B3GLCT: variants seen among roughly 807,000 people sequenced by gnomAD.
B3GLCT encodes the protein beta 3-glucosyltransferase, also known as beta-1,3-glucosyltransferase.
B3GLCT carries 65 observed loss-of-function variants against 63.4 expected under a neutral mutation model. The ratio of observed to expected loss-of-function variants is 1.03; its 90% confidence interval spans 0.84 to 1.26. The LOEUF is 1.26. Among genes scored for constraint, B3GLCT ranks in the 50% most tolerant of loss-of-function variants. The pLI is 0.00. For synonymous variants in B3GLCT, 233 were observed against 219.2 expected (o/e 1.06, Z -0.55); for missense variants, 577 against 604.8 (o/e 0.95, Z 0.48).
At chr13:31,250,130 A>C (rs1049609701) in intron 6 of B3GLCT, among the ~76,000 whole-genome samples, 48 of 152,122 alleles carry the variant, frequency 3.2e-4, no homozygotes, top group Admixed American at 3.1e-3. Context: ...GTATGCTTTT[A>C]ATATATGTGT....
chr13:31,304,487 A>G (rs1252231030), intron 12 of B3GLCT, among the ~76,000 whole-genome samples: 1 of 78,322 alleles, frequency 1.3e-5, no homozygotes, highest in East Asian at 4.1e-4. Flanking sequence ...AGGAAGATCT[A>G]CCAAGCCAAT....
chr13:31,301,511 A>G (rs749499783), intron 12 of B3GLCT, among the ~76,000 whole-genome samples: 2 of 152,238 alleles, frequency 1.3e-5, no homozygotes, highest in Non-Finnish European at 2.9e-5. Context: ...CACATGAAGT[A>G]TGTTCAAATA....
chr13:31,239,007 A>G (rs1870796391), intron 4 of B3GLCT, among the ~76,000 whole-genome samples: 1 of 152,258 alleles, frequency 6.6e-6, no homozygotes, highest in African/African-American at 2.4e-5. Flanking sequence ...CACTCAGGAA[A>G]GACAGGGAAA....
At chr13:31,273,546 A>G (rs1872660153) in intron 8 of B3GLCT, among the ~76,000 whole-genome samples, 1 of 152,074 alleles carries the variant, frequency 6.6e-6, no homozygotes, top group Admixed American at 6.5e-5. Flanking sequence ...AAGTTTTTTG[A>G]GTCTGATTAA....
At chr13:31,286,609 G>A in intron 11 of B3GLCT, 111 bp from the exon 12 acceptor site, 1 of 737,864 alleles carries the variant, frequency 1.4e-6, no homozygotes, top group Non-Finnish European at 2.2e-6. Flanking sequence ...CTTTTAAGCT[G>A]CATTTTGGCA....
intron 12 of B3GLCT, among the ~76,000 whole-genome samples, chr13:31,299,674 G>C (rs1385915365): frequency 1.3e-5 from 2 of 152,262 alleles, no homozygotes; most frequent in Non-Finnish European, 1.5e-5. Flanking sequence ...ATCTCTGCCT[G>C]CTGCCGTACC....
chr13:31,329,499 A>G lies in B3GLCT; in HGVS notation c.1330-2A>G. The G allele has an allele frequency of 1.9e-6, 3 of 1,614,200 alleles. No individual in the cohort carries two copies. Among genetic ancestry groups the G allele is most frequent in the Non-Finnish European group, 2.5e-6 (3 of 1,180,030 alleles). The stretch of plus-strand genomic sequence containing the variant: ...AAGCCTAACTCTCTATTTTTCCTGC[A>G]GGCTCGGCCGGTGGATTACCCTAAG... On this transcript the variant is annotated splice_acceptor_variant, in intron 14 of 14. Transcript: ENST00000343307. LOFTEE classifies it high-confidence loss of function.
chr13:31,222,466 T>C (rs1017034511), intron 2 of B3GLCT, among the ~76,000 whole-genome samples: 2 of 152,278 alleles, frequency 1.3e-5, no homozygotes, highest in South Asian at 2.1e-4. Context: ...GGAGAGAACA[T>C]TGTGGTAACA....
intron 12 of B3GLCT, 108 bp downstream of exon 12, chr13:31,286,927 T>C: frequency 1.4e-6 from 1 of 720,018 alleles, no homozygotes; most frequent in Non-Finnish European, 2.4e-6. Flanking sequence ...GGGACGGGGT[T>C]TACCCTTCTA....
intron 11 of B3GLCT, among the ~76,000 whole-genome samples, chr13:31,285,329 C>T (rs147495156): frequency 2.0e-5 from 3 of 152,024 alleles, no homozygotes; most frequent in South Asian, 2.1e-4. Flanking sequence ...AGAAGAGGGG[C>T]GAGGGATGAG....
intron 1 of B3GLCT, among the ~76,000 whole-genome samples, chr13:31,209,732 T>G (rs1869161491): frequency 6.6e-6 from 1 of 152,140 alleles, no homozygotes; most frequent in Admixed American, 6.5e-5. Flanking sequence ...GCTGAGCTTT[T>G]TTATATATTC....
chr13:31,276,615 T>C, intron 9 of B3GLCT, 87 bp from the exon 10 acceptor site: 1 of 853,144 alleles, frequency 1.2e-6, no homozygotes, highest in Non-Finnish European at 2.0e-6. Flanking sequence ...TTGGTTAATT[T>C]GAACTCTAGA....
In B3GLCT at chr13:31,323,834, T is replaced by A; in HGVS notation, c.1268T>A (p.Val423Asp). 6.2e-7 allele frequency: 1 copy of A among 1,614,166 alleles called. No homozygotes were observed. The highest frequency in any genetic ancestry group is 8.5e-7 in the Non-Finnish European group (1 of 1,180,000). The change falls in exon 14 of 15, where the codon GTC (valine) becomes GAC (aspartate). Residue 423 changes from valine (V) to aspartate (D), a missense_variant. Transcript: ENST00000343307. Reference protein sequence around the residue: ...CYSNDAPDDMVLGMCFSGLGI... With the variant: ...CYSNDAPDDMDLGMCFSGLGI... Reference sequence around the variant, plus strand: ...AGCAATGATGCTCCCGATGATATGGTCCTGGGAATGTGCTTTAGTGGCTTG... The same window carrying A: ...AGCAATGATGCTCCCGATGATATGGACCTGGGAATGTGCTTTAGTGGCTTG...
At chr13:31,328,637 A>G (rs556424345) in intron 14 of B3GLCT, among the ~76,000 whole-genome samples, 6 of 147,824 alleles carry the variant, frequency 4.1e-5, no homozygotes, top group South Asian at 2.2e-4. Context: ...AGGTTGCAGT[A>G]AGCTGAGATT....
In B3GLCT at chr13:31,323,842, A is replaced by G. The variant is rs772308313; in HGVS notation, c.1276A>G (p.Met426Val). ...NDAPDDMVLG[M>V]CFSGLGIPVT... ...TGCTCCCGATGATATGGTCCTGGGAATGTGCTTTAGTGGCTTGGGAATCCC... is the reference window on the plus strand; with the variant it reads ...TGCTCCCGATGATATGGTCCTGGGAGTGTGCTTTAGTGGCTTGGGAATCCC... The change falls in exon 14 of 15, where the codon ATG (methionine) becomes GTG (valine). Residue 426 changes from methionine (M) to valine (V), a missense_variant. By Grantham distance (21) the Met-to-Val change is conservative (BLOSUM62 1). Coordinates refer to ENST00000343307, the MANE Select transcript of B3GLCT (RefSeq NM_194318.4). 2.5e-6 allele frequency: 4 copies of G among 1,614,142 alleles called. No individual in the cohort carries two copies. The highest frequency in any genetic ancestry group is 1.7e-5 in the Admixed American group (1 of 60,014).
intron 1 of B3GLCT, among the ~76,000 whole-genome samples, chr13:31,213,688 C>T (rs1307767079): frequency 7.6e-6 from 1 of 131,676 alleles, no homozygotes; most frequent in Non-Finnish European, 1.5e-5. Context: ...AATCAGCTGA[C>T]ATGTAAGATA....
intron 7 of B3GLCT, among the ~76,000 whole-genome samples, chr13:31,266,081 T>C (rs866792245): frequency 2.0e-5 from 3 of 151,984 alleles, no homozygotes; most frequent in African/African-American, 7.3e-5. Flanking sequence ...TCACTGCAAG[T>C]TCCACCCCCG....
chr13:31,262,566 C>T (rs962425887), intron 7 of B3GLCT, among the ~76,000 whole-genome samples: 1 of 150,740 alleles, frequency 6.6e-6, no homozygotes, highest in Non-Finnish European at 1.5e-5. Context: ...CCTTCAGCAG[C>T]CTTGGGTCGT....
intron 12 of B3GLCT, among the ~76,000 whole-genome samples, chr13:31,297,356 C>T (rs1874001569): frequency 6.7e-6 from 1 of 149,524 alleles, no homozygotes; most frequent in Non-Finnish European, 1.5e-5. Flanking sequence ...ACATCCTTGT[C>T]AACCCCATTA....
Sources: gnomAD v4.1 joint callset for allele counts (sites outside exome capture counted in the v4.1 genomes callset) on GRCh38, gnomAD v4.1.1 for gene constraint, MANE v1.5 for transcripts, NCBI Gene and HGNC (gene_info 2026-07-23, HGNC 2026-07-21) for gene names.